ZNF521: variants seen among roughly 807,000 people sequenced by gnomAD.
ZNF521 encodes the protein zinc finger protein 521.
Under a neutral mutation model 105.5 loss-of-function variants are expected in ZNF521, and 14 were observed. That is an observed-to-expected ratio of 0.13 (90% CI 0.09 to 0.21). The LOEUF (loss-of-function observed/expected upper bound fraction) is 0.21, where lower values mean the gene tolerates loss of function less well. Ranked by LOEUF, ZNF521 falls within the 10% of genes least tolerant of loss-of-function variation. The probability of loss-of-function intolerance (pLI) is 1.00; values close to 1 mark genes in which losing one functional copy is unlikely to be tolerated. For synonymous variants in ZNF521, 635 were observed against 606.0 expected, an observed-to-expected ratio of 1.05 and a Z score of -0.70; for missense variants, 1,233 against 1,629.7, an observed-to-expected ratio of 0.76 and a Z score of 4.19.
chr18:25,256,643 G>A lies in ZNF521; in HGVS notation c.221-28946C>T, dbSNP rs538673130. Among the ~76,000 whole-genome samples the A allele has an allele frequency of 5.3e-5, 8 of 152,094 alleles. No individual in the cohort carries two copies. The South Asian group carries it at 1.5e-3, about 28-fold the overall frequency. The stretch of plus-strand genomic sequence containing the variant: ...TTGAAAAGAGGCCCCCTACAGGAGC[G>A]AAGTGCGGGGAAGGGATCCCAGAGG... On this transcript the variant is annotated intron_variant, in intron 3 of 7. Transcript: ENST00000361524.
chr18:25,081,032 G>A (rs1007734360), intron 7 of ZNF521, among the ~76,000 whole-genome samples: 18 of 152,078 alleles, frequency 1.2e-4, no homozygotes, highest in African/African-American at 3.9e-4. Context: ...CAGATCTTCC[G>A]GTGCTATGGC....
intron 4 of ZNF521, among the ~76,000 whole-genome samples, chr18:25,221,770 A>G (rs886654488): frequency 6.6e-6 from 1 of 152,186 alleles, no homozygotes; most frequent in Non-Finnish European, 1.5e-5. Flanking sequence ...AAACTCCTCA[A>G]AATGAGAACT....
intron 5 of ZNF521, among the ~76,000 whole-genome samples, chr18:25,146,768 G>A (rs545770709): frequency 3.4e-4 from 52 of 151,548 alleles, no homozygotes; most frequent in Non-Finnish European, 5.3e-4. Flanking sequence ...TTGATGACTC[G>A]GTGGTATAAA....
chr18:25,315,503 C>T lies in ZNF521; in HGVS notation c.220+6505G>A, dbSNP rs566271640. 3.9e-5 allele frequency: 6 copies of T among 152,322 alleles called. No individual in the cohort carries two copies. In the South Asian group the frequency reaches 8.3e-4, roughly 21 times the overall value. The allele number at this position is 152,322 out of a possible 1,614,324, so 9.4% of individuals were successfully genotyped here. A position where few individuals can be genotyped will look rare whatever the true frequency, so the allele number is the denominator to read the frequency against. ...AAAAATATGCAAATACTAGAATATC[C>T]TCTCAGTGACAGACTCCATGAGGTG... On this transcript the variant is annotated intron_variant, in intron 3 of 7. Coordinates refer to ENST00000361524, the MANE Select transcript of ZNF521 (RefSeq NM_015461.3).
chr18:25,134,749 GC>G (rs2034702567), intron 5 of ZNF521, among the ~76,000 whole-genome samples: 1 of 152,040 alleles, frequency 6.6e-6, no homozygotes, highest in Non-Finnish European at 1.5e-5. Context: ...CCCTGGCCAC[GC>G]CCCAAGGGAT....
intron 5 of ZNF521, among the ~76,000 whole-genome samples, chr18:25,162,347 T>A (rs2035266075): frequency 6.6e-6 from 1 of 152,166 alleles, no homozygotes; most frequent in Admixed American, 6.6e-5. Context: ...AGAATAATAA[T>A]TGAAGGACAT....
chr18:25,339,539 A>G (rs1914083529), intron 2 of ZNF521, among the ~76,000 whole-genome samples: 1 of 152,220 alleles, frequency 6.6e-6, no homozygotes, highest in Non-Finnish European at 1.5e-5. Context: ...CTACCAGGAT[A>G]TAGACAATAT....
intron 3 of ZNF521, among the ~76,000 whole-genome samples, chr18:25,256,647 T>G (rs1389647464): frequency 6.6e-6 from 1 of 151,936 alleles, no homozygotes; most frequent in African/African-American, 2.4e-5. Context: ...AGGAGCGAAG[T>G]GCGGGGAAGG....
intron 3 of ZNF521, among the ~76,000 whole-genome samples, chr18:25,304,222 A>AG (rs1911838339): frequency 6.6e-6 from 1 of 152,236 alleles, no homozygotes; most frequent in Admixed American, 6.5e-5. Flanking sequence ...GCTACTATCA[A>AG]ATACAGTCTC....
At chr18:25,106,848 C>G (rs1227475816) in intron 5 of ZNF521, among the ~76,000 whole-genome samples, 1 of 152,096 alleles carries the variant, frequency 6.6e-6, no homozygotes, top group Non-Finnish European at 1.5e-5. Context: ...TTTCTACTGT[C>G]ACAAAAGTTG....
intron 5 of ZNF521, among the ~76,000 whole-genome samples, chr18:25,179,116 CTTTTTTTTTTTTTTTTTTTTTTTTTT>C (rs1175859497): frequency 2.7e-4 from 14 of 52,482 alleles, no homozygotes; most frequent in Admixed American, 1.3e-3. Flanking sequence ...TTCTTTATTC[CTTTTTTTTTTTTTTTTTTTTTTTTTT>C]TTTTTTTTTT....
At chr18:25,107,339 C>T (rs566416609) in intron 5 of ZNF521, among the ~76,000 whole-genome samples, 3 of 152,246 alleles carry the variant, frequency 2.0e-5, no homozygotes, top group South Asian at 4.1e-4. Context: ...TCTTTTAACA[C>T]TCAGCATTTT....
rs1248117839 is a variant in ZNF521, at chr18:25,241,738, TTCA to T, written c.221-14044_221-14042del. ...ACATCTTTAGTATCCTATGGACAGA[TTCA>T]AAAACAATGCACATTCTAAAGAGCA... On this transcript the variant is annotated intron_variant, in intron 3 of 7. Coordinates refer to ENST00000361524, the MANE Select transcript of ZNF521 (RefSeq NM_015461.3). Among the ~76,000 whole-genome samples, 448 of 152,268 alleles carry T rather than the reference TTCA, an allele frequency of 2.9e-3. 1 individual carries two copies. Among genetic ancestry groups the T allele is most frequent in the Non-Finnish European group, 4.0e-3 (271 of 68,002 alleles).
chr18:25,116,923 G>GTATGTATATATACGTATATATATATA (rs2034324342), intron 5 of ZNF521, among the ~76,000 whole-genome samples: 1 of 133,756 alleles, frequency 7.5e-6, no homozygotes, highest in Non-Finnish European at 1.5e-5. Flanking sequence ...GTATATCTAT[G>GTATGTATATATACGTATATATATATA]TATATATATA....
Position 25,226,057 on chromosome 18 carries a change from G to C in ZNF521, c.1861C>G (p.Gln621Glu), listed in dbSNP as rs1906107035. 6.2e-7 allele frequency: 1 copy of C among 1,614,192 alleles called. No individual in the cohort carries two copies. Among genetic ancestry groups the C allele is most frequent in the African/African-American group, 1.3e-5 (1 of 75,064 alleles). ...AIEQTSLKMM[Q>E]AVGGAPARPT... ...CGTGCAGGTGCACCTCCTACTGCCTGCATCATCTTAAGAGATGTCTGCTCT... is the reference window on the plus strand; with the variant it reads ...CGTGCAGGTGCACCTCCTACTGCCTCCATCATCTTAAGAGATGTCTGCTCT... The change falls in exon 4 of 8, where the codon CAG becomes GAG. Residue 621 changes from glutamine (Q) to glutamate (E), a missense_variant. Gln to Glu is a conservative substitution (Grantham distance 29). This residue lies in a region of ZNF521 where 614 missense variants were observed against 751.5 expected (regional missense o/e 0.82). Coordinates refer to ENST00000361524, the MANE Select transcript of ZNF521 (RefSeq NM_015461.3). The surrounding 1 kb of genome is among the most constrained non-coding windows in gnomAD (Gnocchi z 4.1).
intron 3 of ZNF521, among the ~76,000 whole-genome samples, chr18:25,301,733 T>C (rs778293665): frequency 6.6e-6 from 1 of 152,194 alleles, no homozygotes; most frequent in Middle Eastern, 3.2e-3. Context: ...AGCTAGGGAC[T>C]GGAGAAGTAC....
At chr18:25,119,545 T>C (rs189736376) in intron 5 of ZNF521, among the ~76,000 whole-genome samples, 5 of 152,078 alleles carry the variant, frequency 3.3e-5, no homozygotes, top group African/African-American at 1.2e-4. Flanking sequence ...ATTTGGAAAT[T>C]AAAATTAAAA....
chr18:25,098,435 C>T (rs1389050099), intron 5 of ZNF521, among the ~76,000 whole-genome samples: 1 of 151,840 alleles, frequency 6.6e-6, no homozygotes, highest in Non-Finnish European at 1.5e-5. Context: ...TAAAACTTTG[C>T]CCTCATTTTT....
At chr18:25,146,488 A>G (rs2034946052) in intron 5 of ZNF521, among the ~76,000 whole-genome samples, 1 of 152,182 alleles carries the variant, frequency 6.6e-6, no homozygotes, top group Admixed American at 6.5e-5. Context: ...TAGAAAGGAT[A>G]GAGAAAAATA....
Sources: gnomAD v4.1 joint callset for allele counts (sites outside exome capture counted in the v4.1 genomes callset) on GRCh38, gnomAD v4.1.1 for gene constraint, gnomAD v4.1.1 regional missense constraint, Gnocchi (gnomAD v3.1) non-coding constraint, MANE v1.5 for transcripts, NCBI Gene and HGNC (gene_info 2026-07-23, HGNC 2026-07-21) for gene names.